LARGE1: variants seen among roughly 807,000 people sequenced by gnomAD.
LARGE1 encodes xylosyl- and glucuronyltransferase LARGE1.
A neutral mutation model predicts 87.6 loss-of-function variants in LARGE1; 43 were observed. That is an observed-to-expected ratio of 0.49 (90% CI 0.38 to 0.63). The LOEUF is 0.63. LARGE1 is among the 30% of genes least tolerant of loss of function. The pLI, the probability that LARGE1 is intolerant of heterozygous loss-of-function variation, is 0.00. For synonymous variants in LARGE1, 434 were observed against 394.6 expected (o/e 1.10, Z -1.18); for missense variants, 802 against 1,000.2 (o/e 0.80, Z 2.67).
intron 6 of LARGE1, among the ~76,000 whole-genome samples, chr22:33,524,839 T>C (rs2071803951): frequency 6.6e-6 from 1 of 151,838 alleles, no homozygotes; most frequent in Non-Finnish European, 1.5e-5. Context: ...TGGGAAAAAG[T>C]ACTGCAAAGA....
chr22:33,249,370 C>A lies in LARGE1; in HGVS notation c.1730+54859G>T, dbSNP rs560103270. On this transcript the variant is annotated intron_variant, in intron 11 of 11. Transcript: ENST00000608642. ...GAGATGTCTGTTAAAGTCTTTGGCA[C>A]ATTTACTAAGCTGGTTGCTTTTTTT... Among the ~76,000 whole-genome samples the A allele has an allele frequency of 2.0e-5, 3 of 152,166 alleles. 1 individual carries two copies. Among genetic ancestry groups the A allele is most frequent in the Non-Finnish European group, 4.4e-5 (3 of 68,020 alleles).
At chr22:33,120,352 C>CTT in the LARGE1 span, among the ~76,000 whole-genome samples, 3 of 115,834 alleles carry the variant, frequency 2.6e-5, no homozygotes, top group African/African-American at 3.9e-5. Context: ...TCTTTCTTTT[C>CTT]TTTCTTTTTC....
intron 7 of LARGE1, among the ~76,000 whole-genome samples, chr22:33,408,770 AG>A (rs67855250): frequency 0.33 from 49,612 of 150,532 alleles, 11,384 homozygotes; most frequent in African/African-American, 0.66. Context: ...AAAAATGGCC[AG>A]GGGGGGTCAA....
intron 6 of LARGE1, among the ~76,000 whole-genome samples, chr22:33,534,723 G>A (rs2076994230): frequency 6.6e-6 from 1 of 152,150 alleles, no homozygotes; most frequent in African/African-American, 2.4e-5. Context: ...GGGAGAGGAT[G>A]GACTACAACT....
At position 33,850,900 on chromosome 22, in the gene LARGE1, C is replaced by T. The variant is rs114306205; in HGVS notation, c.-83+69095G>A. 7.6e-3 allele frequency among the ~76,000 whole-genome samples: 1,151 copies of T among 152,024 alleles called. 17 individuals are homozygous for T. The highest frequency in any genetic ancestry group is 0.026 in the African/African-American group (1,089 of 41,450). ...CCCAAGACCCTATAAGTAACCTAAC[C>T]GGTCTTAAAAAAAAAGACACCACCT... On this transcript the variant is annotated intron_variant, in intron 1 of 14. Coordinates refer to ENST00000397394, the MANE Select transcript of LARGE1 (RefSeq NM_133642.5).
At chr22:33,200,956 C>T (rs1463050086) in intron 11 of LARGE1, among the ~76,000 whole-genome samples, 1 of 152,106 alleles carries the variant, frequency 6.6e-6, no homozygotes, top group Non-Finnish European at 1.5e-5. Flanking sequence ...GGTGATTTTT[C>T]TGGTATAAGA....
chr22:33,401,992 T>G (rs1455576709), intron 7 of LARGE1, among the ~76,000 whole-genome samples: 1 of 152,210 alleles, frequency 6.6e-6, no homozygotes, highest in African/African-American at 2.4e-5. Context: ...ATGCAGTCCC[T>G]TCATTCAAAT....
At chr22:33,765,101 G>T (rs964495434) in intron 1 of LARGE1, among the ~76,000 whole-genome samples, 1 of 152,126 alleles carries the variant, frequency 6.6e-6, no homozygotes, top group African/African-American at 2.4e-5. Flanking sequence ...AGCTGCTTAT[G>T]TAATTCTCAA....
intron 7 of LARGE1, among the ~76,000 whole-genome samples, chr22:33,431,445 C>G (rs1569157584): frequency 1.3e-5 from 2 of 152,160 alleles, no homozygotes; most frequent in African/African-American, 4.8e-5. Flanking sequence ...GGTTATAGGT[C>G]TGTGGTCCTC....
intron 13 of LARGE1, among the ~76,000 whole-genome samples, chr22:33,282,726 G>A (rs760268344): frequency 1.1e-4 from 16 of 152,144 alleles, no homozygotes; most frequent in African/African-American, 1.9e-4. Flanking sequence ...ACGGCTACAC[G>A]TCCCCCAGGC....
intron 3 of LARGE1, among the ~76,000 whole-genome samples, chr22:33,634,491 T>C (rs2149109268): frequency 6.6e-6 from 1 of 152,234 alleles, no homozygotes; most frequent in East Asian, 1.9e-4. Context: ...AATAATCTAT[T>C]TCCAATTCCT....
chr22:33,763,043 G>T (rs779379914), intron 1 of LARGE1, among the ~76,000 whole-genome samples: 2 of 152,196 alleles, frequency 1.3e-5, no homozygotes, highest in Non-Finnish European at 2.9e-5. Flanking sequence ...ATACCGCCAT[G>T]AAGGTGGTCT....
chr22:33,311,704 T>A (rs533706549), intron 11 of LARGE1, among the ~76,000 whole-genome samples: 11 of 152,348 alleles, frequency 7.2e-5, no homozygotes, highest in African/African-American at 2.4e-4. Context: ...TCTTTTCTAC[T>A]ACATCACTTT....
chr22:33,102,028 C>T, the LARGE1 span, among the ~76,000 whole-genome samples: 1 of 151,994 alleles, frequency 6.6e-6, no homozygotes, highest in Non-Finnish European at 1.5e-5. Context: ...TCTTTCCTGC[C>T]TCTTTCTCTC....
At chr22:33,297,772 G>C (rs935748318) in intron 12 of LARGE1, among the ~76,000 whole-genome samples, 1 of 151,830 alleles carries the variant, frequency 6.6e-6, no homozygotes, top group Non-Finnish European at 1.5e-5. Context: ...CTGAGGTCAG[G>C]AGTTCAAGAC....
chr22:33,085,368 G>T, the LARGE1 span, among the ~76,000 whole-genome samples: 2 of 152,204 alleles, frequency 1.3e-5, no homozygotes, highest in Non-Finnish European at 1.5e-5. Flanking sequence ...GAATATCAAA[G>T]CATCATTTTC....
intron 1 of LARGE1, among the ~76,000 whole-genome samples, chr22:33,912,006 T>G (rs565148780): frequency 6.6e-6 from 1 of 152,286 alleles, no homozygotes; most frequent in Non-Finnish European, 1.5e-5. Flanking sequence ...TGGACACAAC[T>G]ACTTACTAAC....
chr22:33,446,444 T>C (rs952322420), intron 6 of LARGE1, among the ~76,000 whole-genome samples: 1 of 152,066 alleles, frequency 6.6e-6, no homozygotes, highest in African/African-American at 2.4e-5. Context: ...GAAGTGATGG[T>C]GGTTTTGTGG....
chr22:33,588,907 C>T (rs999919728), intron 5 of LARGE1, among the ~76,000 whole-genome samples: 12 of 152,258 alleles, frequency 7.9e-5, no homozygotes, highest in Admixed American at 2.6e-4. Context: ...GAATTAGCAC[C>T]CTCAAGATGG....
Sources: gnomAD v4.1 joint callset for allele counts (sites outside exome capture counted in the v4.1 genomes callset) on GRCh38, gnomAD v4.1.1 for gene constraint, MANE v1.5 for transcripts, NCBI Gene and HGNC (gene_info 2026-07-23, HGNC 2026-07-21) for gene names.